Variants in ZNF469 observed in about 807,000 individuals in gnomAD.
ZNF469 encodes zinc finger protein 469.
A neutral mutation model predicts 1.0 loss-of-function variants in ZNF469; 1 was observed. The observed-to-expected ratio is 1.00, with a 90% CI of 0.35 to 4.73. The LOEUF is 4.73. Ranked by LOEUF, ZNF469 falls within the 30% of genes most tolerant of loss-of-function variation. The pLI, the probability that ZNF469 is intolerant of heterozygous loss-of-function variation, is 0.16. For synonymous variants in ZNF469, 2,703 were observed against 2,363.4 expected, an observed-to-expected ratio of 1.14 and a Z score of -4.17; for missense variants, 6,100 against 5,356.3, an observed-to-expected ratio of 1.14 and a Z score of -4.33.
intron 1 of ZNF469, among the ~76,000 whole-genome samples, chr16:88,417,602 T>C (rs1344412161): frequency 1.3e-5 from 2 of 152,188 alleles, no homozygotes; most frequent in Non-Finnish European, 2.9e-5. Context: ...CCGCACATGG[T>C]CCCTCTTCCT....
rs1209389720 is a variant in ZNF469 at position 88,431,354 on chromosome 16, C to T, written c.3884C>T (p.Thr1295Met). 1.9e-6 allele frequency: 3 copies of T among 1,549,764 alleles called. No homozygotes were observed. The highest frequency in any genetic ancestry group is 2.4e-5 in the East Asian group (1 of 40,906). Residue 1295 changes from threonine to methionine, a missense_variant, in exon 3 of 3, where the codon ACG becomes ATG. Thr to Met is a moderately conservative substitution (Grantham distance 81). Transcript: ENST00000565624. ...ANTAPHGSSP[T>M]PGVGSLLGGP... The stretch of plus-strand genomic sequence containing the variant: ...ACGGCGCCCCACGGAAGCTCGCCAA[C>T]GCCAGGTGTGGGCAGCCTGCTGGGT...
chr16:88,342,333 A>G, the ZNF469 span, among the ~76,000 whole-genome samples: 2 of 150,396 alleles, frequency 1.3e-5, no homozygotes, highest in Admixed American at 1.3e-4. Context: ...AGCTCCAGGA[A>G]CCTCAGGAAG....
the ZNF469 span, among the ~76,000 whole-genome samples, chr16:88,185,304 C>G: frequency 6.6e-6 from 1 of 152,162 alleles, no homozygotes; most frequent in Non-Finnish European, 1.5e-5. Context: ...CACACTCAAA[C>G]TCTCACAGTC....
Position 88,436,940 on chromosome 16 carries a change from A to G in ZNF469, c.9470A>G (p.Glu3157Gly). 6.7e-7 allele frequency: 1 copy of G among 1,492,576 alleles called. No individual in the cohort carries two copies. Among genetic ancestry groups the G allele is most frequent in the Non-Finnish European group, 8.9e-7 (1 of 1,122,440 alleles). 92.5% of individuals were successfully genotyped at this position (1,492,576 alleles called of 1,614,324 possible). ...MCVERRFGSR[E>G]LLRGHLQERH... ...GTGGAGCGCAGGTTTGGCTCGCGGG[A>G]GCTGCTGCGGGGGCACCTGCAGGAG... is the stretch of plus-strand genomic sequence containing the variant. The change falls in exon 3 of 3, where the codon GAG (glutamate) becomes GGG (glycine). Residue 3157 changes from glutamate to glycine, a missense_variant. Physicochemically the swap from Glu to Gly is moderately conservative, Grantham distance 98. Transcript: ENST00000565624.
the ZNF469 span, among the ~76,000 whole-genome samples, chr16:88,305,582 GCACA>G: frequency 1.8e-5 from 2 of 108,518 alleles, no homozygotes; most frequent in African/African-American, 7.2e-5. Context: ...ACGCTCACAG[GCACA>G]CACGCACACC....
At chr16:88,270,223 C>A in the ZNF469 span, among the ~76,000 whole-genome samples, 1 of 152,190 alleles carries the variant, frequency 6.6e-6, no homozygotes, top group Non-Finnish European at 1.5e-5. Context: ...CTGCTCCCCA[C>A]CCTGGGCCCA....
chr16:88,228,305 C>T, the ZNF469 span, among the ~76,000 whole-genome samples: 7 of 152,358 alleles, frequency 4.6e-5, no homozygotes, highest in African/African-American at 1.2e-4. Flanking sequence ...CTGCGCAGGT[C>T]GCCCTGTGGG....
chr16:88,140,203 T>G, the ZNF469 span, among the ~76,000 whole-genome samples: 1 of 152,016 alleles, frequency 6.6e-6, no homozygotes, highest in Non-Finnish European at 1.5e-5. Flanking sequence ...AAAAATATAG[T>G]CATAAAAAAA....
At chr16:88,374,886 C>G in the ZNF469 span, among the ~76,000 whole-genome samples, 1 of 152,232 alleles carries the variant, frequency 6.6e-6, no homozygotes, top group African/African-American at 2.4e-5. Flanking sequence ...GCACAGCTCA[C>G]AGTTCGCAGC....
the ZNF469 span, among the ~76,000 whole-genome samples, chr16:88,361,267 C>T: frequency 1.3e-5 from 2 of 152,190 alleles, no homozygotes; most frequent in Admixed American, 1.3e-4. Context: ...GACGTAAATA[C>T]AGATGAAGCT....
chr16:88,420,573 G>A (rs984721110), intron 1 of ZNF469, among the ~76,000 whole-genome samples: 1 of 152,224 alleles, frequency 6.6e-6, no homozygotes, highest in Non-Finnish European at 1.5e-5. Context: ...ACCAGGATGT[G>A]GAACGACAGG....
rs1055169708 is a variant in ZNF469 at position 88,413,579 on chromosome 16, G to A, written c.-191-11228G>A. Among the ~76,000 whole-genome samples the A allele has an allele frequency of 3.9e-5, 6 of 152,254 alleles. 1 individual carries two copies. The highest frequency in any genetic ancestry group is 1.9e-4 in the East Asian group (1 of 5,200). ...CCCAGGCCTCTGGAGAAGTGATTCC[G>A]TCCAGAGTGAGCCTCGGAGGGTGTC... is the stretch of plus-strand genomic sequence containing the variant. On this transcript the variant is annotated intron_variant, in intron 1 of 2. Coordinates refer to ENST00000565624, the MANE Select transcript of ZNF469 (RefSeq NM_001367624.2).
At position 88,436,635 on chromosome 16, in the gene ZNF469, G is replaced by A; in HGVS notation, c.9165G>A (p.Met3055Ile). 1 of 1,550,398 alleles carries A rather than the reference G, an allele frequency of 6.4e-7. No individual in the cohort carries two copies. The highest frequency in any genetic ancestry group is 1.2e-5 in the South Asian group (1 of 84,068). ...AGGTGCTCAGCACCAAGTTTGAGATGCAAGACCTGTGCTTTCTGGGACCCT... is the reference window on the plus strand; with the variant it reads ...AGGTGCTCAGCACCAAGTTTGAGATACAAGACCTGTGCTTTCTGGGACCCT... ...DFEVLSTKFE[M>I]QDLCFLGPFE... The change falls in exon 3 of 3, where the codon ATG becomes ATA. Residue 3055 changes from methionine to isoleucine, a missense_variant. Physicochemically the swap from Met to Ile is conservative, Grantham distance 10. Transcript: ENST00000565624.
the ZNF469 span, among the ~76,000 whole-genome samples, chr16:88,374,257 C>T: frequency 6.6e-6 from 1 of 152,288 alleles, no homozygotes. Flanking sequence ...TGCCAAAATA[C>T]AAGGAGGCAG....
At chr16:88,254,825 C>T in the ZNF469 span, among the ~76,000 whole-genome samples, 4 of 151,824 alleles carry the variant, frequency 2.6e-5, no homozygotes, top group Non-Finnish European at 5.9e-5. Context: ...TTAGAAACAG[C>T]TTATCGACTT....
At chr16:88,422,202 G>A (rs1905485659) in intron 1 of ZNF469, among the ~76,000 whole-genome samples, 1 of 150,118 alleles carries the variant, frequency 6.7e-6, no homozygotes, top group Non-Finnish European at 1.5e-5. Flanking sequence ...GCACGTGGAT[G>A]GATGCATGGG....
the ZNF469 span, among the ~76,000 whole-genome samples, chr16:88,335,635 G>T: frequency 6.6e-5 from 10 of 152,372 alleles, 2 homozygotes; most frequent in African/African-American, 2.2e-4. Context: ...CAGATGCCTG[G>T]GAGGGGAATT....
chr16:88,266,463 G>A, the ZNF469 span, among the ~76,000 whole-genome samples: 2 of 152,226 alleles, frequency 1.3e-5, no homozygotes, highest in Non-Finnish European at 2.9e-5. Context: ...GGGGTCTCAC[G>A]GTTGCTGGGG....
the ZNF469 span, among the ~76,000 whole-genome samples, chr16:88,249,891 ACTC>A: frequency 6.6e-6 from 1 of 151,822 alleles, no homozygotes; most frequent in South Asian, 2.1e-4. Context: ...ATCATGTGTG[ACTC>A]CTCCTCACCC....
Sources: allele counts gnomAD v4.1 joint callset (sites outside exome capture counted in the v4.1 genomes callset), GRCh38; gene constraint gnomAD v4.1.1; transcripts MANE v1.5; gene names NCBI Gene and HGNC (gene_info 2026-07-23, HGNC 2026-07-21).